NCAM1: variants seen among roughly 807,000 people sequenced by gnomAD.
NCAM1 encodes antigen recognized by monoclonal antibody 5.1H11.
NCAM1 carries 14 observed loss-of-function variants against 109.8 expected under a neutral mutation model. The observed-to-expected ratio is 0.13, with a 90% CI of 0.08 to 0.20. The LOEUF is 0.20. Ranked by LOEUF, NCAM1 falls within the 10% of genes least tolerant of loss-of-function variation. NCAM1 has a pLI of 1.00. For synonymous variants in NCAM1, 418 were observed against 442.9 expected (o/e 0.94, Z 0.70); for missense variants, 774 against 1,109.9 (o/e 0.70, Z 4.30).
intron 14 of NCAM1, among the ~76,000 whole-genome samples, chr11:113,237,443 T>C (rs1304087160): frequency 6.6e-6 from 1 of 152,216 alleles, no homozygotes; most frequent in Non-Finnish European, 1.5e-5. Flanking sequence ...AAGTGCCAAA[T>C]GTCCTACCTC....
chr11:113,019,440 T>C (rs1292597679), intron 1 of NCAM1, among the ~76,000 whole-genome samples: 1 of 152,226 alleles, frequency 6.6e-6, no homozygotes, highest in Non-Finnish European at 1.5e-5. Context: ...GGTCTCTTTT[T>C]TGAAGACCTG....
intron 1 of NCAM1, among the ~76,000 whole-genome samples, chr11:112,984,540 A>T (rs1436285429): frequency 1.3e-5 from 2 of 151,930 alleles, no homozygotes; most frequent in Non-Finnish European, 2.9e-5. Context: ...CCATTTCTCT[A>T]CATGGCTACC....
intron 1 of NCAM1, among the ~76,000 whole-genome samples, chr11:113,152,492 T>G (rs544481317): frequency 1.3e-5 from 2 of 152,386 alleles, no homozygotes; most frequent in Admixed American, 1.3e-4. Flanking sequence ...ATTTCCAACA[T>G]GTTCTCCTTC....
rs148265407 is a variant in NCAM1 at position 113,272,486 on chromosome 11, C to T, written c.2456+610C>T. Among the ~76,000 whole-genome samples the T allele has an allele frequency of 3.5e-4, 54 of 152,276 alleles. No homozygotes were observed. In the East Asian group the frequency reaches 0.01, roughly 28 times the overall value. On this transcript the variant is annotated intron_variant, in intron 19 of 19. Transcript: ENST00000316851. Reference sequence around the variant, plus strand: ...GATCTGCCTTATTCGTGACTTTTCCCATCGGTGCCCTGGGGAGCCCTGCAG... The same window carrying T: ...GATCTGCCTTATTCGTGACTTTTCCTATCGGTGCCCTGGGGAGCCCTGCAG...
chr11:113,078,927 T>C (rs1938657469), intron 1 of NCAM1, among the ~76,000 whole-genome samples: 3 of 152,134 alleles, frequency 2.0e-5, no homozygotes, highest in African/African-American at 4.8e-5. Context: ...TAGTTGGTAG[T>C]GAACTCTGCA....
chr11:113,002,569 C>T (rs1951783823), intron 1 of NCAM1, among the ~76,000 whole-genome samples: 1 of 152,164 alleles, frequency 6.6e-6, no homozygotes, highest in Non-Finnish European at 1.5e-5. Flanking sequence ...CAAATAAATG[C>T]TCCTTCTCAG....
At chr11:113,255,338 T>A (rs898488715) in intron 15 of NCAM1, among the ~76,000 whole-genome samples, 16 of 152,110 alleles carry the variant, frequency 1.1e-4, no homozygotes, top group Non-Finnish European at 2.2e-4. Context: ...AAAATGTCGT[T>A]CATGAAAAGC....
Position 113,275,626 on chromosome 11 carries a change from A to C in NCAM1, c.*239A>C. 1 of 415,508 alleles carries C rather than the reference A, an allele frequency of 2.4e-6. No homozygotes were observed. The highest frequency in any genetic ancestry group is 4.1e-6 in the Non-Finnish European group (1 of 243,334). The allele number at this position is 415,508 out of a possible 1,614,324, so 25.7% of individuals were successfully genotyped here. On this transcript the variant is annotated 3_prime_UTR_variant, in exon 20 of 20. Coordinates refer to ENST00000316851, the MANE Select transcript of NCAM1 (RefSeq NM_181351.5). ...TTTGTTGCACACTCACTTGTAAGAA[A>C]ATGAGACAAAAAGGTTAAACCCACA...
At chr11:113,265,384 G>A (rs1946117318) in intron 17 of NCAM1, among the ~76,000 whole-genome samples, 1 of 152,198 alleles carries the variant, frequency 6.6e-6, no homozygotes, top group Non-Finnish European at 1.5e-5. Context: ...GCTGTTAAGA[G>A]GCATTGCTGC....
chr11:113,204,950 G>T lies in NCAM1; in HGVS notation c.346+446G>T, dbSNP rs532013126. Among the ~76,000 whole-genome samples the T allele has an allele frequency of 5.3e-5, 8 of 152,260 alleles. No individual in the cohort carries two copies. The South Asian group carries it at 1.5e-3, about 28-fold the overall frequency. On this transcript the variant is annotated intron_variant, in intron 3 of 19. Coordinates refer to ENST00000316851, the MANE Select transcript of NCAM1 (RefSeq NM_181351.5). ...AAACCCCATCTGTAGGTGGCATCTC[G>T]TTACCTTGTTATTTATATCATGCAT... is the stretch of plus-strand genomic sequence containing the variant.
At chr11:113,217,384 C>A (rs1033560051) in intron 8 of NCAM1, among the ~76,000 whole-genome samples, 2 of 152,224 alleles carry the variant, frequency 1.3e-5, no homozygotes, top group African/African-American at 4.8e-5. Context: ...TTCCTCCAGT[C>A]CACTCCTCTT....
At chr11:113,137,225 A>G (rs1055031600) in intron 1 of NCAM1, among the ~76,000 whole-genome samples, 2 of 152,248 alleles carry the variant, frequency 1.3e-5, no homozygotes, top group African/African-American at 4.8e-5. Context: ...GAACATGAGT[A>G]AAATATAGAA....
intron 15 of NCAM1, among the ~76,000 whole-genome samples, chr11:113,253,087 A>G (rs1377626551): frequency 2.0e-5 from 3 of 152,218 alleles, no homozygotes; most frequent in East Asian, 1.9e-4. Flanking sequence ...TAACTATGGT[A>G]TAGATTTTGA....
At chr11:113,220,600 C>CTCTTTTTTTTT (rs1944662239) in intron 8 of NCAM1, among the ~76,000 whole-genome samples, 1 of 102,376 alleles carries the variant, frequency 9.8e-6, no homozygotes, top group Non-Finnish European at 1.8e-5. Context: ...CTCTCTCTCT[C>CTCTTTTTTTTT]TCTTTTTTTT....
intron 8 of NCAM1, among the ~76,000 whole-genome samples, chr11:113,218,573 G>A (rs1331187028): frequency 6.6e-6 from 1 of 152,106 alleles, no homozygotes; most frequent in Non-Finnish European, 1.5e-5. Flanking sequence ...TAAAAGAAGG[G>A]GGGAGATAAG....
intron 1 of NCAM1, among the ~76,000 whole-genome samples, chr11:113,000,851 C>CAAA (rs35614573): frequency 1.7e-3 from 154 of 91,342 alleles, no homozygotes; most frequent in Admixed American, 4.5e-3. Context: ...TATATATACA[C>CAAA]AAAAAATATA....
intron 14 of NCAM1, among the ~76,000 whole-genome samples, chr11:113,237,055 T>C (rs1023325893): frequency 2.9e-4 from 44 of 152,326 alleles, no homozygotes; most frequent in Admixed American, 1.3e-3. Flanking sequence ...GGAACTCTTC[T>C]GCCATGCATG....
chr11:113,246,118 G>T (rs1383201199), intron 14 of NCAM1: 1 of 524,766 alleles, frequency 1.9e-6, no homozygotes, highest in Non-Finnish European at 3.4e-6. Context: ...CTATTTCTGG[G>T]CAGTTTCACT....
At chr11:113,137,864 T>C (rs1304810913) in intron 1 of NCAM1, among the ~76,000 whole-genome samples, 2 of 152,140 alleles carry the variant, frequency 1.3e-5, no homozygotes, top group Non-Finnish European at 2.9e-5. Flanking sequence ...TGTTCGGAAA[T>C]CATTCTTGTT....
Sources: gnomAD v4.1 joint callset for allele counts (sites outside exome capture counted in the v4.1 genomes callset) on GRCh38, gnomAD v4.1.1 for gene constraint, MANE v1.5 for transcripts, NCBI Gene and HGNC (gene_info 2026-07-23, HGNC 2026-07-21) for gene names.